The following CLDN20 variants were observed in gnomAD, a reference collection of about 807,000 sequenced individuals.
CLDN20 encodes claudin-20.
For synonymous variants in CLDN20, 104 were observed against 103.6 expected, an observed-to-expected ratio of 1.00 and a Z score of -0.03; for missense variants, 258 against 267.9, an observed-to-expected ratio of 0.96 and a Z score of 0.26.
At chr6:155,268,809 T>TGCGGAAG (rs1266266570) in intron 1 of CLDN20, among the ~76,000 whole-genome samples, 1 of 150,952 alleles carries the variant, frequency 6.6e-6, no homozygotes, top group Non-Finnish European at 1.5e-5. Flanking sequence ...ACACAAACAC[T>TGCGGAAG]GCGGAAGGCC....
At position 155,264,046 on chromosome 6, in the gene CLDN20, G is replaced by A. The variant is rs1297451261; in HGVS notation, c.-347G>A. 1 of 152,210 alleles carries A rather than the reference G, an allele frequency of 6.6e-6. No individual in the cohort carries two copies. The highest frequency in any genetic ancestry group is 1.5e-5 in the Non-Finnish European group (1 of 68,064). 9.4% of individuals were successfully genotyped at this position (152,210 alleles called of 1,614,324 possible). A position where few individuals can be genotyped will look rare whatever the true frequency, so the allele number is the denominator to read the frequency against. ...AAGTGGGATGATCACGGGCAGACCTGGGTGGTTGGGAACAGGAAGCATATG... is the reference window on the plus strand; with the variant it reads ...AAGTGGGATGATCACGGGCAGACCTAGGTGGTTGGGAACAGGAAGCATATG... On this transcript the variant is annotated 5_prime_UTR_variant, in exon 1 of 2. Transcript: ENST00000367165.
chr6:155,272,434 C>G (rs1279641976), intron 1 of CLDN20, among the ~76,000 whole-genome samples: 1 of 151,884 alleles, frequency 6.6e-6, no homozygotes, highest in African/African-American at 2.4e-5. Context: ...GTTTTGGGAC[C>G]ATGAGAGAGT....
chr6:155,265,761 TTA>T (rs1226416305), intron 1 of CLDN20, among the ~76,000 whole-genome samples: 2 of 144,826 alleles, frequency 1.4e-5, no homozygotes, highest in Non-Finnish European at 3.0e-5. Flanking sequence ...TAATATATAT[TTA>T]ATATATAATA....
intron 1 of CLDN20, among the ~76,000 whole-genome samples, chr6:155,275,104 T>A (rs907008263): frequency 6.6e-6 from 1 of 150,996 alleles, no homozygotes; most frequent in Admixed American, 6.6e-5. Context: ...CGGGCGCCTG[T>A]AGTCCCAGCT....
chr6:155,267,178 T>G (rs1421062981), intron 1 of CLDN20, among the ~76,000 whole-genome samples: 2 of 152,124 alleles, frequency 1.3e-5, no homozygotes, highest in Non-Finnish European at 2.9e-5. Flanking sequence ...TTTCACCATG[T>G]TGGCCAGGCT....
chr6:155,265,124 G>A (rs1351219479), intron 1 of CLDN20, among the ~76,000 whole-genome samples: 4 of 152,178 alleles, frequency 2.6e-5, no homozygotes, highest in East Asian at 1.9e-4. Flanking sequence ...TTCCTGTCCC[G>A]GGCTGTGCTC....
chr6:155,274,076 C>T (rs1785060703), intron 1 of CLDN20, among the ~76,000 whole-genome samples: 1 of 152,172 alleles, frequency 6.6e-6, no homozygotes, highest in African/African-American at 2.4e-5. Flanking sequence ...GTATTTCAAT[C>T]CTCCCCATTT....
At chr6:155,272,760 A>T (rs1456785360) in intron 1 of CLDN20, among the ~76,000 whole-genome samples, 1 of 152,208 alleles carries the variant, frequency 6.6e-6, no homozygotes, top group Admixed American at 6.5e-5. Flanking sequence ...ACAGTAAGCA[A>T]GCACTATGCT....
intron 1 of CLDN20, among the ~76,000 whole-genome samples, chr6:155,273,076 G>C (rs1285031934): frequency 1.3e-5 from 2 of 152,218 alleles, no homozygotes; most frequent in Non-Finnish European, 2.9e-5. Context: ...AAATGGTCCA[G>C]AGGCAGTAAT....
Position 155,268,016 on chromosome 6 carries a change from C to T in CLDN20, c.-105+3728C>T, listed in dbSNP as rs368725150. ...TACAAATTTGTTTTCAAAATGTAGA[C>T]AGGAAATTTTGGGTTCTTTTTACAG... is the stretch of plus-strand genomic sequence containing the variant. On this transcript the variant is annotated intron_variant, in intron 1 of 1. Transcript: ENST00000367165. 1.2e-4 allele frequency among the ~76,000 whole-genome samples: 19 copies of T among 152,250 alleles called. No homozygotes were observed. In the East Asian group the frequency reaches 3.5e-3, roughly 28 times the overall value.
Position 155,275,906 on chromosome 6 carries a change from A to G in CLDN20, c.187A>G (p.Ser63Gly), listed in dbSNP as rs763765716. The part of the protein sequence containing the change: ...DCTWYSTGMF[S>G]CALKHSILSL... ...TACGTGGTACAGCACTGGGATGTTC[A>G]GCTGTGCCCTGAAACACTCCATTCT... The change falls in exon 2 of 2, where the codon AGC (serine) becomes GGC (glycine). Residue 63 changes from serine to glycine, a missense_variant. Transcript: ENST00000367165. The G allele has an allele frequency of 6.2e-7, 1 of 1,614,154 alleles. No homozygotes were observed. Among genetic ancestry groups the G allele is most frequent in the South Asian group, 1.1e-5 (1 of 91,078 alleles).
chr6:155,268,878 T>C (rs933122278), intron 1 of CLDN20, among the ~76,000 whole-genome samples: 1 of 147,736 alleles, frequency 6.8e-6, no homozygotes, highest in Non-Finnish European at 1.5e-5. Context: ...TCTGCTGACC[T>C]TCCCTCCACT....
chr6:155,272,631 G>C (rs1052693836), intron 1 of CLDN20, among the ~76,000 whole-genome samples: 1 of 151,976 alleles, frequency 6.6e-6, no homozygotes, highest in Non-Finnish European at 1.5e-5. Flanking sequence ...AGGGTAAAGC[G>C]CAATGCAGCT....
chr6:155,269,630 T>C, intron 1 of CLDN20, among the ~76,000 whole-genome samples: 1 of 152,210 alleles, frequency 6.6e-6, no homozygotes, highest in African/African-American at 2.4e-5. Flanking sequence ...CCAGTTTTCT[T>C]GTCTATAAAA....
At chr6:155,273,301 C>A (rs971898650) in intron 1 of CLDN20, among the ~76,000 whole-genome samples, 1 of 152,146 alleles carries the variant, frequency 6.6e-6, no homozygotes, top group Non-Finnish European at 1.5e-5. Flanking sequence ...AACTTAAAAT[C>A]CTAGGGAAAT....
intron 1 of CLDN20, among the ~76,000 whole-genome samples, chr6:155,274,496 A>G (rs1316979704): frequency 6.6e-6 from 1 of 152,214 alleles, no homozygotes; most frequent in Non-Finnish European, 1.5e-5. Flanking sequence ...TCTGGTATGT[A>G]TTTTTGAGAT....
At chr6:155,275,586 C>A in intron 1 of CLDN20, 30 bp from the exon 2 acceptor site, 2 of 855,158 alleles carry the variant, frequency 2.3e-6, no homozygotes, top group African/African-American at 1.7e-5. Flanking sequence ...CTTTCTTTCG[C>A]TCAATCCTGG....
intron 1 of CLDN20, among the ~76,000 whole-genome samples, chr6:155,268,820 G>C (rs150024706): frequency 0.016 from 2,437 of 150,048 alleles, 58 homozygotes; most frequent in African/African-American, 0.042. Context: ...GCGGAAGGCC[G>C]CAGGGTCCTC....
chr6:155,276,222 T>C lies in CLDN20; in HGVS notation c.503T>C (p.Phe168Ser). 1 of 1,614,190 alleles carries C rather than the reference T, an allele frequency of 6.2e-7. No homozygotes were observed. Among genetic ancestry groups the C allele is most frequent in the Non-Finnish European group, 8.5e-7 (1 of 1,180,028 alleles). ...HEPGGAIYIG[F>S]ISAMLLFISG... Reference sequence around the variant, plus strand: ...CCTGGAGGAGCTATCTATATCGGATTCATTTCTGCAATGCTGTTGTTTATC... The same window carrying C: ...CCTGGAGGAGCTATCTATATCGGATCCATTTCTGCAATGCTGTTGTTTATC... The change falls in exon 2 of 2, where the codon TTC becomes TCC. Residue 168 changes from phenylalanine to serine, a missense_variant. By Grantham distance (155) the Phe-to-Ser change is radical. Transcript: ENST00000367165.
Sources: gnomAD v4.1 joint callset for allele counts (sites outside exome capture counted in the v4.1 genomes callset) on GRCh38, gnomAD v4.1.1 for gene constraint, MANE v1.5 for transcripts, NCBI Gene and HGNC (gene_info 2026-07-23, HGNC 2026-07-21) for gene names.